The following HS3ST1 variants were observed in gnomAD, a reference collection of about 807,000 sequenced individuals.
HS3ST1 encodes the protein heparan sulfate glucosamine 3-O-sulfotransferase 1.
HS3ST1 carries 8 observed loss-of-function variants against 20.7 expected under a neutral mutation model. The observed-to-expected ratio is 0.39, with a 90% CI of 0.23 to 0.70. HS3ST1 has a LOEUF of 0.70. Among genes scored for constraint, HS3ST1 ranks in the 30% least tolerant of loss-of-function variants. HS3ST1 has a pLI of 0.46. For synonymous variants in HS3ST1, 205 were observed against 190.4 expected (o/e 1.08, Z -0.63); for missense variants, 436 against 423.4 (o/e 1.03, Z -0.26).
At chr4:11,413,042 G>T (rs1718679209) in intron 1 of HS3ST1, among the ~76,000 whole-genome samples, 1 of 152,124 alleles carries the variant, frequency 6.6e-6, no homozygotes, top group Non-Finnish European at 1.5e-5. Flanking sequence ...CCAGAAGAGG[G>T]CTCTCACCAG....
intron 1 of HS3ST1, among the ~76,000 whole-genome samples, chr4:11,413,425 G>T (rs1718688151): frequency 6.6e-6 from 1 of 152,072 alleles, no homozygotes; most frequent in Non-Finnish European, 1.5e-5. Context: ...TGCCACAGGG[G>T]TCTAGTTTCC....
upstream of HS3ST1, among the ~76,000 whole-genome samples, chr4:11,430,235 AG>A (rs1344238993): frequency 6.6e-6 from 1 of 152,192 alleles, no homozygotes; most frequent in Non-Finnish European, 1.5e-5. Context: ...ATAAGCTTTT[AG>A]GAGTTGAATG....
intron 1 of HS3ST1, among the ~76,000 whole-genome samples, chr4:11,400,449 C>A (rs1406778171): frequency 6.6e-6 from 1 of 152,116 alleles, no homozygotes; most frequent in Non-Finnish European, 1.5e-5. Context: ...TTTCACGTGT[C>A]ATTAAATATT....
chr4:11,419,369 A>G (rs1229048008), intron 1 of HS3ST1, among the ~76,000 whole-genome samples: 4 of 152,152 alleles, frequency 2.6e-5, no homozygotes, highest in Admixed American at 1.3e-4. Context: ...CATGAATATG[A>G]TGCATAAAAT....
intron 1 of HS3ST1, among the ~76,000 whole-genome samples, chr4:11,426,765 A>G (rs189800405): frequency 8.5e-5 from 13 of 152,364 alleles, no homozygotes; most frequent in Non-Finnish European, 7.3e-5. Flanking sequence ...TAGATGGGCT[A>G]ACCAAAACCT....
rs1195017249 is a variant in HS3ST1, at chr4:11,394,486, C to T, written c.*4596G>A. On this transcript the variant is annotated 3_prime_UTR_variant, in exon 2 of 2. Coordinates refer to ENST00000002596, the MANE Select transcript of HS3ST1 (RefSeq NM_005114.4). ...GAGAACTCTGTTATGTTGCTCTGGC[C>T]TTTAACTCAGGCTCAGTCTTCCGAA... 6.6e-6 allele frequency: 1 copy of T among 152,214 alleles called. No homozygotes were observed. Among genetic ancestry groups the T allele is most frequent in the Non-Finnish European group, 1.5e-5 (1 of 68,044 alleles). 9.4% of individuals were successfully genotyped at this position (152,214 alleles called of 1,614,324 possible).
chr4:11,408,132 G>T (rs901228115), intron 1 of HS3ST1, among the ~76,000 whole-genome samples: 1 of 152,136 alleles, frequency 6.6e-6, no homozygotes, highest in African/African-American at 2.4e-5. Flanking sequence ...GAATTAACAG[G>T]ATTTAGAGCC....
chr4:11,423,636 G>T (rs944215529), intron 1 of HS3ST1, among the ~76,000 whole-genome samples: 2 of 152,164 alleles, frequency 1.3e-5, no homozygotes, highest in Non-Finnish European at 2.9e-5. Context: ...TGTGTCACCG[G>T]TGAGCAGAAC....
At chr4:11,412,021 A>C (rs1718651105) in intron 1 of HS3ST1, among the ~76,000 whole-genome samples, 1 of 152,226 alleles carries the variant, frequency 6.6e-6, no homozygotes, top group Admixed American at 6.5e-5. Flanking sequence ...GAACTGTTAA[A>C]GAGTGGGGCT....
At position 11,399,010 on chromosome 4, in the gene HS3ST1, A is replaced by T; in HGVS notation, c.*72T>A. 7.5e-7 allele frequency: 1 copy of T among 1,328,094 alleles called. No homozygotes were observed. The highest frequency in any genetic ancestry group is 1.4e-5 in the South Asian group (1 of 70,776). The allele number at this position is 1,328,094 out of a possible 1,614,324, so 82.3% of individuals were successfully genotyped here. A position where few individuals can be genotyped will look rare whatever the true frequency, so the allele number is the denominator to read the frequency against. ...TAAATTATACCTTAAATGCTTTTTT[A>T]AAATTCTTTTTCCCCTCAGATGTAC... On this transcript the variant is annotated 3_prime_UTR_variant, in exon 2 of 2. Coordinates refer to ENST00000002596, the MANE Select transcript of HS3ST1 (RefSeq NM_005114.4). The surrounding 1 kb of genome is among the most constrained non-coding windows in gnomAD (Gnocchi z 5.1).
At chr4:11,402,583 G>A (rs759105459) in intron 1 of HS3ST1, among the ~76,000 whole-genome samples, 7 of 152,198 alleles carry the variant, frequency 4.6e-5, no homozygotes, top group Non-Finnish European at 7.3e-5. Context: ...GCATGCATGT[G>A]TGTGTGTGTG....
chr4:11,430,312 A>C (rs903706702), upstream of HS3ST1, among the ~76,000 whole-genome samples: 1 of 152,198 alleles, frequency 6.6e-6, no homozygotes, highest in Non-Finnish European at 1.5e-5. Flanking sequence ...AAAAAATACA[A>C]ATTCTAAAAA....
At chr4:11,428,475 C>T (rs1241550558) in intron 1 of HS3ST1, 2 of 152,390 alleles carry the variant, frequency 1.3e-5, no homozygotes, top group Non-Finnish European at 2.9e-5. Flanking sequence ...ATCAACCGGT[C>T]CCTCGGGACT....
intron 1 of HS3ST1, among the ~76,000 whole-genome samples, chr4:11,420,062 C>G (rs1454596255): frequency 6.6e-6 from 1 of 152,210 alleles, no homozygotes; most frequent in African/African-American, 2.4e-5. Context: ...TCACACTAAT[C>G]ATACTGCTGT....
At chr4:11,426,196 C>T (rs1719054823) in intron 1 of HS3ST1, among the ~76,000 whole-genome samples, 1 of 152,126 alleles carries the variant, frequency 6.6e-6, no homozygotes, top group Non-Finnish European at 1.5e-5. Flanking sequence ...GATTTAGCAA[C>T]CACGGTGGGG....
intron 1 of HS3ST1, among the ~76,000 whole-genome samples, chr4:11,415,623 A>G (rs1718755991): frequency 6.6e-6 from 1 of 152,250 alleles, no homozygotes. Context: ...AACATTCTCC[A>G]GTGAAAGCAG....
chr4:11,425,988 T>G (rs1286846378), intron 1 of HS3ST1, among the ~76,000 whole-genome samples: 1 of 152,166 alleles, frequency 6.6e-6, no homozygotes, highest in Non-Finnish European at 1.5e-5. Context: ...GCTGGAAAGT[T>G]ACTGCATTTC....
chr4:11,393,223 A>G lies in HS3ST1; in HGVS notation c.*5859T>C, dbSNP rs1185531156. 2.0e-5 allele frequency: 3 copies of G among 152,234 alleles called. No individual in the cohort carries two copies. The highest frequency in any genetic ancestry group is 2.9e-5 in the Non-Finnish European group (2 of 68,038). 9.4% of individuals were successfully genotyped at this position (152,234 alleles called of 1,614,324 possible). ...CTACATAAGATGGAGCAATACCTTC[A>G]TATTTGTTGGGCCCAGAATTGTTTT... On this transcript the variant is annotated 3_prime_UTR_variant, in exon 2 of 2. Coordinates refer to ENST00000002596, the MANE Select transcript of HS3ST1 (RefSeq NM_005114.4).
chr4:11,412,234 G>A (rs1314058951), intron 1 of HS3ST1, among the ~76,000 whole-genome samples: 3 of 152,162 alleles, frequency 2.0e-5, no homozygotes, highest in African/African-American at 7.2e-5. Context: ...TCTAGTCCCT[G>A]GTTCTGTCTT....
Sources: allele counts gnomAD v4.1 joint callset (sites outside exome capture counted in the v4.1 genomes callset), GRCh38; gene constraint gnomAD v4.1.1; non-coding constraint Gnocchi (gnomAD v3.1); transcripts MANE v1.5; gene names NCBI Gene and HGNC (gene_info 2026-07-23, HGNC 2026-07-21).